KDM4C: variants seen among roughly 807,000 people sequenced by gnomAD.
KDM4C encodes lysine-specific demethylase 4C.
A neutral mutation model predicts 129.3 loss-of-function variants in KDM4C; 81 were observed. That is an observed-to-expected ratio of 0.63 (90% CI 0.52 to 0.75). The LOEUF is 0.75. KDM4C is among the 30% of genes least tolerant of loss of function. The pLI, the probability that KDM4C is intolerant of heterozygous loss-of-function variation, is 0.00. For synonymous variants in KDM4C, 573 were observed against 456.1 expected, an observed-to-expected ratio of 1.26 and a Z score of -3.26; for missense variants, 1,457 against 1,304.0, an observed-to-expected ratio of 1.12 and a Z score of -1.81.
chr9:7,170,096 T>C, intron 21 of KDM4C: 13 of 1,460,692 alleles, frequency 8.9e-6, no homozygotes, highest in Non-Finnish European at 1.2e-5. Context: ...GCTTTACTTT[T>C]CTTCTAATGA....
chr9:7,025,274 G>A (rs1437103192), intron 15 of KDM4C, among the ~76,000 whole-genome samples: 1 of 151,938 alleles, frequency 6.6e-6, no homozygotes, highest in Non-Finnish European at 1.5e-5. Flanking sequence ...TGTGTTTCTT[G>A]TAGACAACAG....
At chr9:6,835,704 T>C (rs776116175) in intron 4 of KDM4C, 71 of 669,440 alleles carry the variant, frequency 1.1e-4, no homozygotes, top group Non-Finnish European at 1.7e-4. Context: ...TTGTTTTGGC[T>C]TGACTCAGGA....
intron 14 of KDM4C, 95 bp downstream of exon 14, chr9:7,014,096 G>A (rs1823206198): frequency 1.1e-6 from 1 of 902,846 alleles, no homozygotes; most frequent in South Asian, 1.6e-5. Context: ...TCTGTTGCAT[G>A]GACTATTGGC....
intron 1 of KDM4C, among the ~76,000 whole-genome samples, chr9:6,750,857 T>G (rs781278022): frequency 6.6e-6 from 1 of 152,152 alleles, no homozygotes; most frequent in Non-Finnish European, 1.5e-5. Flanking sequence ...TAACTGCTGG[T>G]TTTGCCTGGG....
intron 5 of KDM4C, among the ~76,000 whole-genome samples, chr9:6,858,920 A>G (rs908319541): frequency 2.0e-5 from 3 of 151,994 alleles, no homozygotes; most frequent in Non-Finnish European, 4.4e-5. Context: ...AATGCATGCA[A>G]TTTAATATTT....
chr9:6,796,051 CAAGAT>C (rs942624442), intron 2 of KDM4C, among the ~76,000 whole-genome samples: 21 of 152,054 alleles, frequency 1.4e-4, no homozygotes, highest in Non-Finnish European at 2.9e-4. Flanking sequence ...AGAGAGGAAA[CAAGAT>C]AAAGAGAAAA....
chr9:6,986,632 C>G lies in KDM4C; in HGVS notation c.1643C>G (p.Pro548Arg), dbSNP rs780250075. The change falls in exon 11 of 22, where the codon CCC becomes CGC. Residue 548 changes from proline to arginine, a missense_variant. Pro to Arg is a moderately radical substitution (Grantham distance 103, BLOSUM62 -2). Coordinates refer to ENST00000381309, the MANE Select transcript of KDM4C (RefSeq NM_015061.6). ...GAACCTGGGGAAATCCCAGCGGTCC[C>G]CAGTGGAGAGAGAAATAGCTTCAAA... ...GLEPGEIPAV[P>R]SGERNSFKVP... is the part of the protein sequence containing the mutation. 6 of 1,611,146 alleles carry G rather than the reference C, an allele frequency of 3.7e-6. No individual in the cohort carries two copies. Among genetic ancestry groups the G allele is most frequent in the Non-Finnish European group, 5.1e-6 (6 of 1,177,632 alleles).
intron 19 of KDM4C, among the ~76,000 whole-genome samples, chr9:7,131,287 C>T (rs1840605142): frequency 6.6e-6 from 1 of 152,180 alleles, no homozygotes; most frequent in Non-Finnish European, 1.5e-5. Context: ...TTGTTAGCTG[C>T]TGTAGCCTCT....
chr9:6,840,392 T>C (rs1217719985), intron 4 of KDM4C, among the ~76,000 whole-genome samples: 1 of 151,054 alleles, frequency 6.6e-6, no homozygotes, highest in Non-Finnish European at 1.5e-5. Context: ...ATTTTCTCTT[T>C]TTCTTTTTTT....
Sources: gnomAD v4.1 joint callset for allele counts (sites outside exome capture counted in the v4.1 genomes callset) on GRCh38, gnomAD v4.1.1 for gene constraint, MANE v1.5 for transcripts, NCBI Gene and HGNC (gene_info 2026-07-23, HGNC 2026-07-21) for gene names.